The following ANO2 variants were observed in gnomAD, a reference collection of about 807,000 sequenced individuals.
ANO2 encodes the protein anoctamin-2.
ANO2 carries 101 observed loss-of-function variants against 124.2 expected under a neutral mutation model. The observed-to-expected ratio is 0.81, with a 90% CI of 0.69 to 0.96. ANO2 has a LOEUF of 0.96. Among genes scored for constraint, ANO2 ranks in the 40% least tolerant of loss-of-function variants. ANO2 has a pLI of 0.00. For synonymous variants in ANO2, 486 were observed against 482.5 expected (o/e 1.01, Z -0.09); for missense variants, 1,293 against 1,274.5 (o/e 1.01, Z -0.22).
rs772572985 is a variant in ANO2 at position 5,615,347 on chromosome 12, C to G, written c.1817-50G>C. The G allele has an allele frequency of 4.8e-6, 7 of 1,450,596 alleles. No individual in the cohort carries two copies. The South Asian group carries it at 8.5e-5, about 18-fold the overall frequency. The allele number at this position is 1,450,596 out of a possible 1,614,324, so 89.9% of individuals were successfully genotyped here. A position where few individuals can be genotyped will look rare whatever the true frequency, so the allele number is the denominator to read the frequency against. ...GAGATTGGGGTGAGATTTCTCACCT[C>G]TCCAGAGTTTTGACCTAGACATGAG... On this transcript the variant is annotated intron_variant, in intron 16 of 24. Transcript: ENST00000682330.
rs77633536 is a variant in ANO2, at chr12:5,800,046, G to A, written c.991-475C>T. On this transcript the variant is annotated intron_variant, in intron 9 of 24. Coordinates refer to ENST00000682330, the MANE Select transcript of ANO2 (RefSeq NM_001364791.2). ...AAGAAAAATTAATCAAGGTCAGGGA[G>A]TAGAATGTGAAGGAAGGGAGAGGAG... is the stretch of plus-strand genomic sequence containing the variant. 3.5e-4 allele frequency among the ~76,000 whole-genome samples: 54 copies of A among 152,346 alleles called. No homozygotes were observed. The East Asian group carries it at 9.6e-3, about 27-fold the overall frequency.
chr12:5,768,608 C>CCTCA (rs1292827541), intron 10 of ANO2, among the ~76,000 whole-genome samples: 3 of 152,216 alleles, frequency 2.0e-5, no homozygotes, highest in African/African-American at 7.2e-5. Context: ...AGCCACAGCC[C>CCTCA]CTCAGACCTG....
chr12:5,869,325 T>C (rs1048165202), intron 3 of ANO2, among the ~76,000 whole-genome samples: 1 of 152,150 alleles, frequency 6.6e-6, no homozygotes, highest in Non-Finnish European at 1.5e-5. Context: ...TGTTTGACCA[T>C]GGGCATCATT....
intron 3 of ANO2, among the ~76,000 whole-genome samples, chr12:5,860,693 C>T (rs1055484816): frequency 1.7e-4 from 26 of 152,184 alleles, no homozygotes; most frequent in African/African-American, 6.3e-4. Context: ...ACTAAACTTT[C>T]CACCTGACCA....
At chr12:5,713,753 A>C (rs1172386024) in intron 14 of ANO2, among the ~76,000 whole-genome samples, 1 of 152,158 alleles carries the variant, frequency 6.6e-6, no homozygotes. Flanking sequence ...AAGTTGCCAG[A>C]CCTTTCTGCT....
intron 14 of ANO2, among the ~76,000 whole-genome samples, chr12:5,665,686 C>T (rs866611648): frequency 7.9e-5 from 12 of 152,034 alleles, no homozygotes; most frequent in Middle Eastern, 3.4e-3. Flanking sequence ...CATTCCAGTC[C>T]CTGGTCCCAC....
intron 14 of ANO2, among the ~76,000 whole-genome samples, chr12:5,705,624 C>T (rs1949578031): frequency 6.6e-6 from 1 of 152,244 alleles, no homozygotes; most frequent in African/African-American, 2.4e-5. Context: ...TAATACTATA[C>T]AAACAACTAT....
intron 19 of ANO2, chr12:5,608,854 A>T (rs182198835): frequency 2.6e-5 from 4 of 152,324 alleles, no homozygotes; most frequent in Non-Finnish European, 4.4e-5. Context: ...CTTGTATTCT[A>T]CAAAAGCCTT....
At chr12:5,943,619 C>T (rs376770794) in intron 1 of ANO2, among the ~76,000 whole-genome samples, 4 of 152,120 alleles carry the variant, frequency 2.6e-5, no homozygotes, top group African/African-American at 4.8e-5. Flanking sequence ...AGAACTTACC[C>T]ATGTAACCAA....
intron 10 of ANO2, among the ~76,000 whole-genome samples, chr12:5,792,385 TC>T (rs1952723668): frequency 6.6e-6 from 1 of 152,246 alleles, no homozygotes; most frequent in Non-Finnish European, 1.5e-5. Context: ...AAGACGCCTC[TC>T]CAAATCCTTG....
At position 5,769,198 on chromosome 12, in the gene ANO2, C is replaced by A. The variant is rs1164515907; in HGVS notation, c.1056-18228G>T. On this transcript the variant is annotated intron_variant, in intron 10 of 24. Coordinates refer to ENST00000682330, the MANE Select transcript of ANO2 (RefSeq NM_001364791.2). This position sits in a 1 kb window ranked among gnomAD's most constrained non-coding sequence, Gnocchi z 4.0. ...TAAGAAGAGGTTCCCTCTCTCCAAC[C>A]AATCCTCTCTTTAAGAAGGTTTCCA... is the stretch of plus-strand genomic sequence containing the variant. 6.6e-6 allele frequency among the ~76,000 whole-genome samples: 1 copy of A among 152,154 alleles called. No homozygotes were observed. Among genetic ancestry groups the A allele is most frequent in the Non-Finnish European group, 1.5e-5 (1 of 68,030 alleles).
chr12:5,854,888 GT>G, intron 3 of ANO2, among the ~76,000 whole-genome samples: 1 of 151,388 alleles, frequency 6.6e-6, no homozygotes, highest in Middle Eastern at 3.5e-3. Context: ...TTACAAATAG[GT>G]GTCAGATTAT....
chr12:5,750,891 T>G lies in ANO2; in HGVS notation c.1135A>C (p.Ile379Leu), dbSNP rs71579301. 6.2e-7 allele frequency: 1 copy of G among 1,612,508 alleles called. No individual in the cohort carries two copies. Among genetic ancestry groups the G allele is most frequent in the Non-Finnish European group, 8.5e-7 (1 of 1,179,210 alleles). The change falls in exon 11 of 25, where the codon ATT (isoleucine) becomes CTT (leucine). Residue 379 changes from isoleucine to leucine, a missense_variant. Physicochemically the swap from Ile to Leu is conservative, Grantham distance 5. Transcript: ENST00000682330. ...CCATAAAGAAACACAATCACTCCAA[T>G]TACAGAAGATGGGATGAGGAATGAT... ...YTSFLIPSSVIGVIVFLYGCA... is the reference protein window; with the variant it reads ...YTSFLIPSSVLGVIVFLYGCA...
intron 16 of ANO2, among the ~76,000 whole-genome samples, chr12:5,620,448 G>A (rs914925211): frequency 6.6e-5 from 10 of 152,224 alleles, no homozygotes; most frequent in Non-Finnish European, 1.0e-4. Flanking sequence ...TCTGGAGACA[G>A]CAGTGTAAAT....
chr12:5,580,294 A>G (rs1350748305), intron 20 of ANO2, among the ~76,000 whole-genome samples: 1 of 152,250 alleles, frequency 6.6e-6, no homozygotes, highest in Non-Finnish European at 1.5e-5. Flanking sequence ...GATACATAAT[A>G]ACTGTTTAAT....
At chr12:5,577,360 G>A (rs1323929903) in intron 22 of ANO2, among the ~76,000 whole-genome samples, 1 of 152,234 alleles carries the variant, frequency 6.6e-6, no homozygotes, top group African/African-American at 2.4e-5. Flanking sequence ...GGCCCTTCCT[G>A]GCCACTGTCC....
In ANO2 at chr12:5,755,362, T is replaced by A. The variant is rs1951547516; in HGVS notation, c.1056-4392A>T. ...CTTTTGAGAATTCAATTTTTTTCTT[T>A]TTTACATTTATTTATTTTTATTTAT... is the stretch of plus-strand genomic sequence containing the variant. On this transcript the variant is annotated intron_variant, in intron 10 of 24. Coordinates refer to ENST00000682330, the MANE Select transcript of ANO2 (RefSeq NM_001364791.2). 2.0e-5 allele frequency among the ~76,000 whole-genome samples: 3 copies of A among 150,230 alleles called. No individual in the cohort carries two copies. In the South Asian group the frequency reaches 6.2e-4, roughly 31 times the overall value.
Position 5,797,044 on chromosome 12 carries a change from T to C in ANO2, c.1055+2463A>G, listed in dbSNP as rs1382738807. On this transcript the variant is annotated intron_variant, in intron 10 of 24. Coordinates refer to ENST00000682330, the MANE Select transcript of ANO2 (RefSeq NM_001364791.2). ...CTTGGCCAGGCCTGTGCATGAATTA[T>C]CACGTTCCGCCTGTGCCAGATTCCC... is the stretch of plus-strand genomic sequence containing the variant. Among the ~76,000 whole-genome samples, 4 of 152,322 alleles carry C rather than the reference T, an allele frequency of 2.6e-5. No individual in the cohort carries two copies. In the East Asian group the frequency reaches 5.8e-4, roughly 22 times the overall value.
intron 19 of ANO2, among the ~76,000 whole-genome samples, chr12:5,610,830 AC>A (rs2136902736): frequency 7.1e-6 from 1 of 140,912 alleles, no homozygotes; most frequent in South Asian, 2.3e-4. Flanking sequence ...ACACACACAC[AC>A]ACACACACAC....
Sources: gnomAD v4.1 joint callset for allele counts (sites outside exome capture counted in the v4.1 genomes callset) on GRCh38, gnomAD v4.1.1 for gene constraint, Gnocchi (gnomAD v3.1) non-coding constraint, MANE v1.5 for transcripts, NCBI Gene and HGNC (gene_info 2026-07-23, HGNC 2026-07-21) for gene names.